LRRC4C: variants seen among roughly 807,000 people sequenced by gnomAD.
The protein encoded by LRRC4C is leucine rich repeat containing 4C.
A neutral mutation model predicts 33.6 loss-of-function variants in LRRC4C; 5 were observed. The ratio of observed to expected loss-of-function variants is 0.15; its 90% confidence interval spans 0.08 to 0.31. The LOEUF (loss-of-function observed/expected upper bound fraction) is 0.31, where lower values mean the gene tolerates loss of function less well. Among genes scored for constraint, LRRC4C ranks in the 10% least tolerant of loss-of-function variants. LRRC4C has a pLI of 1.00. For missense variants in LRRC4C, 560 were observed against 796.7 expected (o/e 0.70, Z 3.58); for synonymous variants, 329 against 302.0 (o/e 1.09, Z -0.93).
intron 1 of LRRC4C, among the ~76,000 whole-genome samples, chr11:41,428,019 G>T (rs542350875): frequency 6.6e-6 from 1 of 151,458 alleles, no homozygotes; most frequent in South Asian, 2.1e-4. Flanking sequence ...ATCTCCCTTC[G>T]CTGACTCTCT....
chr11:41,214,575 CA>C (rs547167050), intron 1 of LRRC4C, among the ~76,000 whole-genome samples: 711 of 34,758 alleles, frequency 0.02, 1 homozygote, highest in African/African-American at 0.054. Flanking sequence ...ACTAAAAATA[CA>C]AAAAAAAAAA....
At chr11:40,964,486 C>A (rs942484882) in intron 1 of LRRC4C, among the ~76,000 whole-genome samples, 2 of 151,356 alleles carry the variant, frequency 1.3e-5, no homozygotes, top group Non-Finnish European at 3.0e-5. Context: ...CGTCATTTAG[C>A]ATTAGGTATA....
intron 2 of LRRC4C, among the ~76,000 whole-genome samples, chr11:40,728,387 C>T (rs1437449105): frequency 2.0e-5 from 3 of 151,546 alleles, no homozygotes; most frequent in African/African-American, 7.3e-5. Context: ...GGACGGATCA[C>T]GAGGTCAGGA....
chr11:40,649,312 C>G (rs929485709), intron 2 of LRRC4C, among the ~76,000 whole-genome samples: 3 of 152,224 alleles, frequency 2.0e-5, no homozygotes, highest in Admixed American at 2.0e-4. Context: ...ATAGACCTCC[C>G]CCCAAGAATG....
At chr11:41,438,278 G>T (rs546011200) in intron 1 of LRRC4C, among the ~76,000 whole-genome samples, 4 of 151,872 alleles carry the variant, frequency 2.6e-5, no homozygotes, top group Admixed American at 2.6e-4. Context: ...ATCTATTATT[G>T]TTCAGGAACT....
rs1430423001 is a variant in LRRC4C, at chr11:41,111,306, T to C, written c.-495-177583A>G. ...GTAAGTAATGAAGCTCATCATTACC[T>C]GTCTCATAAAGTTGTTGTGAGAGCC... On this transcript the variant is annotated intron_variant, in intron 1 of 6. Coordinates refer to ENST00000528697, the MANE Select transcript of LRRC4C (RefSeq NM_001258419.2). 2.0e-5 allele frequency among the ~76,000 whole-genome samples: 3 copies of C among 152,162 alleles called. No homozygotes were observed. The East Asian group carries it at 5.8e-4, about 30-fold the overall frequency.
intron 1 of LRRC4C, among the ~76,000 whole-genome samples, chr11:41,232,266 A>C (rs1947837025): frequency 1.3e-5 from 2 of 152,038 alleles, no homozygotes; most frequent in Admixed American, 1.3e-4. Flanking sequence ...AGACTATGAG[A>C]TGTTTTAAGA....
At chr11:40,262,508 T>C (rs1941928469) in intron 4 of LRRC4C, among the ~76,000 whole-genome samples, 1 of 152,164 alleles carries the variant, frequency 6.6e-6, no homozygotes, top group African/African-American at 2.4e-5. Context: ...TTATAAATCA[T>C]TCTCCTATAA....
chr11:41,274,947 G>A (rs993050456), intron 1 of LRRC4C, among the ~76,000 whole-genome samples: 4 of 152,112 alleles, frequency 2.6e-5, no homozygotes, highest in Non-Finnish European at 5.9e-5. Flanking sequence ...GGGCCCTACT[G>A]GGAGATGTAT....
At chr11:40,350,496 T>A (rs1265296095) in intron 3 of LRRC4C, among the ~76,000 whole-genome samples, 1 of 152,060 alleles carries the variant, frequency 6.6e-6, no homozygotes, top group Non-Finnish European at 1.5e-5. Context: ...TTACTATAGC[T>A]CTGTAGTATC....
At chr11:40,868,160 T>G (rs1393088082) in intron 2 of LRRC4C, among the ~76,000 whole-genome samples, 1 of 152,056 alleles carries the variant, frequency 6.6e-6, no homozygotes, top group Non-Finnish European at 1.5e-5. Context: ...GTGTGCACAT[T>G]GGAATGGCTG....
chr11:40,532,115 T>C (rs1256902080), intron 3 of LRRC4C, among the ~76,000 whole-genome samples: 1 of 150,840 alleles, frequency 6.6e-6, no homozygotes, highest in Non-Finnish European at 1.5e-5. Flanking sequence ...AACCTGAAGC[T>C]TGGAGAAGTT....
intron 1 of LRRC4C, among the ~76,000 whole-genome samples, chr11:40,947,991 C>A (rs140195302): frequency 4.6e-5 from 7 of 152,074 alleles, no homozygotes; most frequent in Admixed American, 2.6e-4. Flanking sequence ...CTATTTCAAG[C>A]GAGAAGTTAG....
chr11:40,707,765 G>A (rs1946243295), intron 2 of LRRC4C, among the ~76,000 whole-genome samples: 1 of 152,138 alleles, frequency 6.6e-6, no homozygotes, highest in African/African-American at 2.4e-5. Context: ...CTATTGACTG[G>A]AATAGTTTCA....
chr11:41,325,170 T>C (rs1285533127), intron 1 of LRRC4C, among the ~76,000 whole-genome samples: 1 of 152,182 alleles, frequency 6.6e-6, no homozygotes, highest in African/African-American at 2.4e-5. Context: ...CTTTCTTTTT[T>C]TAAAAACTGG....
At chr11:41,407,101 TG>T (rs1243161436) in intron 1 of LRRC4C, among the ~76,000 whole-genome samples, 1 of 152,130 alleles carries the variant, frequency 6.6e-6, no homozygotes, top group Non-Finnish European at 1.5e-5. Context: ...TATATGTGAA[TG>T]GGTCTCTGAA....
intron 1 of LRRC4C, among the ~76,000 whole-genome samples, chr11:41,209,467 T>A (rs1419841147): frequency 6.6e-6 from 1 of 151,486 alleles, no homozygotes; most frequent in African/African-American, 2.4e-5. Flanking sequence ...ATACCTCAGG[T>A]CTAATATATA....
intron 2 of LRRC4C, among the ~76,000 whole-genome samples, chr11:40,897,454 A>T (rs1436283763): frequency 6.6e-6 from 1 of 152,192 alleles, no homozygotes; most frequent in Non-Finnish European, 1.5e-5. Context: ...TTGAATCATC[A>T]TGTCATCAGA....
chr11:40,115,357 G>A lies in LRRC4C; in HGVS notation c.936C>T (p.Leu312=), dbSNP rs751381125. ...PWNCNCDILW[L]SWWIKDMAPS... ...GGGCCATGTCTTTTATCCACCAGCT[G>A]AGCCACAGTATGTCACAGTTACAGT... Residue 312 remains leucine, a synonymous_variant, in exon 7 of 7, where the codon CTC becomes CTT. Transcript: ENST00000528697. This position sits in a 1 kb window ranked among gnomAD's most constrained non-coding sequence, Gnocchi z 6.7. The A allele has an allele frequency of 1.9e-6, 3 of 1,614,182 alleles. No homozygotes were observed. The highest frequency in any genetic ancestry group is 2.5e-6 in the Non-Finnish European group (3 of 1,180,038).
Sources: allele counts gnomAD v4.1 joint callset (sites outside exome capture counted in the v4.1 genomes callset), GRCh38; gene constraint gnomAD v4.1.1; non-coding constraint Gnocchi (gnomAD v3.1); transcripts MANE v1.5; gene names NCBI Gene and HGNC (gene_info 2026-07-23, HGNC 2026-07-21).